CROT: variants seen among roughly 807,000 people sequenced by gnomAD.
The protein encoded by CROT is peroxisomal carnitine O-octanoyltransferase.
CROT carries 84 observed loss-of-function variants against 89.2 expected under a neutral mutation model. That is an observed-to-expected ratio of 0.94 (90% CI 0.79 to 1.13). The LOEUF is 1.13. Among genes scored for constraint, CROT ranks in the 50% most tolerant of loss-of-function variants. The pLI, the probability that CROT is intolerant of heterozygous loss-of-function variation, is 0.00. For synonymous variants in CROT, 212 were observed against 239.5 expected (o/e 0.89, Z 1.06); for missense variants, 711 against 727.8 (o/e 0.98, Z 0.27).
chr7:87,386,846 C>T (rs569481470), intron 13 of CROT, among the ~76,000 whole-genome samples: 1 of 152,208 alleles, frequency 6.6e-6, no homozygotes, highest in African/African-American at 2.4e-5. Context: ...CCATCTCTAC[C>T]CATTGTCTCT....
Position 87,381,979 on chromosome 7 carries a change from G to A in CROT, c.1048G>A (p.Glu350Lys). 1 of 1,605,000 alleles carries A rather than the reference G, an allele frequency of 6.2e-7. No individual in the cohort carries two copies. Among genetic ancestry groups the A allele is most frequent in the Non-Finnish European group, 8.5e-7 (1 of 1,173,030 alleles). ...TGTGGATGAGAAAATTTTTCAGAAT[G>A]AAGGAAGATGGAAGGTATGTTTGAA... ...YYVDEKIFQNEGRWKGSEKVR... is the reference protein window; with the variant it reads ...YYVDEKIFQNKGRWKGSEKVR... The change falls in exon 11 of 18, where the codon GAA (glutamate) becomes AAA (lysine). Residue 350 changes from glutamate to lysine, a missense_variant. Transcript: ENST00000331536.
Position 87,390,910 on chromosome 7 carries a change from A to G in CROT, c.1302-679A>G, listed in dbSNP as rs563713416. 1.8e-4 allele frequency among the ~76,000 whole-genome samples: 28 copies of G among 152,322 alleles called. 1 individual carries two copies. The South Asian group carries it at 5.8e-3, about 32-fold the overall frequency. ...ACATATTTTGTGGGTCAGTAATTTT[A>G]TATCACAATTTTGTGGGTCATTTTT... is the stretch of plus-strand genomic sequence containing the variant. On this transcript the variant is annotated intron_variant, in intron 13 of 17. Coordinates refer to ENST00000331536, the MANE Select transcript of CROT (RefSeq NM_021151.4).
chr7:87,352,516 C>G (rs1476667990), intron 3 of CROT, among the ~76,000 whole-genome samples: 1 of 152,166 alleles, frequency 6.6e-6, no homozygotes, highest in Non-Finnish European at 1.5e-5. Flanking sequence ...TTTATAAATT[C>G]TATACATTAA....
intron 3 of CROT, chr7:87,357,605 G>A: frequency 1.0e-6 from 1 of 982,780 alleles, no homozygotes; most frequent in Non-Finnish European, 1.6e-6. Flanking sequence ...GTTGCAGAGT[G>A]CAGTGAGAAG....
chr7:87,381,201 G>A (rs1584641537), intron 10 of CROT, among the ~76,000 whole-genome samples: 2 of 152,168 alleles, frequency 1.3e-5, no homozygotes, highest in East Asian at 1.9e-4. Context: ...ATGTAAAGTG[G>A]TGACAGTCAC....
chr7:87,369,328 C>T (rs764170082), intron 6 of CROT, 48 bp from the exon 7 acceptor site: 1 of 1,307,220 alleles, frequency 7.6e-7, no homozygotes, highest in Non-Finnish European at 1.1e-6. Flanking sequence ...ATCTTTACTC[C>T]TGTTTAACCT....
chr7:87,392,494 T>C, intron 14 of CROT, 72 bp from the exon 15 acceptor site: 1 of 1,186,942 alleles, frequency 8.4e-7, no homozygotes, highest in Non-Finnish European at 1.2e-6. Context: ...CTAATTACAA[T>C]GAGCTTAGGA....
chr7:87,372,986 T>TA (rs1806689663), intron 7 of CROT, among the ~76,000 whole-genome samples: 1 of 152,068 alleles, frequency 6.6e-6, no homozygotes, highest in Non-Finnish European at 1.5e-5. Context: ...TTCTCTTGGG[T>TA]ATATTTTAGG....
intron 6 of CROT, among the ~76,000 whole-genome samples, chr7:87,368,092 G>T (rs112906778): frequency 3.9e-5 from 6 of 152,104 alleles, no homozygotes; most frequent in Non-Finnish European, 8.8e-5. Context: ...TCTCTGTGCC[G>T]CAGCTGCACT....
chr7:87,365,672 A>G (rs1188121967), intron 6 of CROT, among the ~76,000 whole-genome samples: 1 of 140,592 alleles, frequency 7.1e-6, no homozygotes, highest in African/African-American at 2.7e-5. Context: ...CTGTGGTGTG[A>G]TCACAGCTCA....
Position 87,377,336 on chromosome 7 carries a change from A to G in CROT, c.877-13A>G. ...TAAACCCTTTTAATTTGGAAAAATT[A>G]AATTTATTTTAGATTATTGCAGCCA... On this transcript the variant is annotated splice_polypyrimidine_tract_variant and intron_variant, in intron 9 of 17. Transcript: ENST00000331536. 1 of 1,540,668 alleles carries G rather than the reference A, an allele frequency of 6.5e-7. No individual in the cohort carries two copies. Among genetic ancestry groups the G allele is most frequent in the Non-Finnish European group, 8.9e-7 (1 of 1,123,228 alleles).
chr7:87,354,847 CTT>C (rs1191554134), intron 3 of CROT, among the ~76,000 whole-genome samples: 3 of 152,140 alleles, frequency 2.0e-5, no homozygotes, highest in Non-Finnish European at 2.9e-5. Flanking sequence ...TTTAGAAAGA[CTT>C]ATTTATAAAT....
At position 87,376,334 on chromosome 7, in the gene CROT, C is replaced by G. The variant is rs549108647; in HGVS notation, c.876+381C>G. Among the ~76,000 whole-genome samples, 10 of 152,078 alleles carry G rather than the reference C, an allele frequency of 6.6e-5. No homozygotes were observed. In the South Asian group the frequency reaches 2.1e-3, roughly 32 times the overall value. On this transcript the variant is annotated intron_variant, in intron 9 of 17. Coordinates refer to ENST00000331536, the MANE Select transcript of CROT (RefSeq NM_021151.4). ...TAACCTGCACTAGTGTATCTTGACA[C>G]CATAGTTGGGACTGTGTCTCCTAAG...
At chr7:87,373,410 T>C (rs964461169) in intron 7 of CROT, among the ~76,000 whole-genome samples, 8 of 152,120 alleles carry the variant, frequency 5.3e-5, no homozygotes, top group African/African-American at 1.9e-4. Context: ...TGATGCACAA[T>C]ATTTTTCGTT....
chr7:87,353,092 T>C (rs1805927936), intron 3 of CROT, among the ~76,000 whole-genome samples: 1 of 152,198 alleles, frequency 6.6e-6, no homozygotes, highest in Non-Finnish European at 1.5e-5. Context: ...TAATAGCACT[T>C]GATAAGGACC....
chr7:87,370,505 A>G (rs578159183), intron 7 of CROT, among the ~76,000 whole-genome samples: 1 of 152,300 alleles, frequency 6.6e-6, no homozygotes, highest in East Asian at 1.9e-4. Flanking sequence ...TTTTAATATC[A>G]TTAACAGAGA....
intron 7 of CROT, among the ~76,000 whole-genome samples, chr7:87,373,581 A>T (rs1437893109): frequency 6.6e-6 from 1 of 152,156 alleles, no homozygotes; most frequent in Non-Finnish European, 1.5e-5. Context: ...TAATGTTTAA[A>T]TATACATTTA....
intron 4 of CROT, among the ~76,000 whole-genome samples, chr7:87,360,897 C>G (rs934878815): frequency 1.3e-5 from 2 of 152,164 alleles, no homozygotes; most frequent in African/African-American, 2.4e-5. Context: ...GATCCTATAG[C>G]TCCCCGCTGA....
At chr7:87,356,908 G>A (rs1471629658) in intron 3 of CROT, among the ~76,000 whole-genome samples, 1 of 152,184 alleles carries the variant, frequency 6.6e-6, no homozygotes, top group African/African-American at 2.4e-5. Flanking sequence ...TGTAATTCTA[G>A]CTACTTGGGA....
Sources: gnomAD v4.1 joint callset for allele counts (sites outside exome capture counted in the v4.1 genomes callset) on GRCh38, gnomAD v4.1.1 for gene constraint, MANE v1.5 for transcripts, NCBI Gene and HGNC (gene_info 2026-07-23, HGNC 2026-07-21) for gene names.